Variants in GLI3 observed in about 807,000 individuals in gnomAD.
The protein encoded by GLI3 is GLI family zinc finger 3, also known as transcription activator GLI3.
Under a neutral mutation model 100.8 loss-of-function variants are expected in GLI3, and 20 were observed. That is an observed-to-expected ratio of 0.20 (90% CI 0.14 to 0.29). The LOEUF (loss-of-function observed/expected upper bound fraction) is 0.29, where lower values mean the gene tolerates loss of function less well. GLI3 is among the 10% of genes least tolerant of loss of function. The probability of loss-of-function intolerance (pLI) is 1.00; values close to 1 mark genes in which losing one functional copy is unlikely to be tolerated. For synonymous variants in GLI3, 938 were observed against 860.5 expected, an observed-to-expected ratio of 1.09 and a Z score of -1.58; for missense variants, 2,040 against 2,128.5, an observed-to-expected ratio of 0.96 and a Z score of 0.82.
chr7:42,007,518 G>T (rs147629056), intron 10 of GLI3, among the ~76,000 whole-genome samples: 7 of 152,204 alleles, frequency 4.6e-5, no homozygotes, highest in African/African-American at 1.7e-4. Flanking sequence ...GGAAAAAAAC[G>T]CCTTTCCTGG....
At chr7:42,232,937 G>A (rs1788722633) in intron 1 of GLI3, among the ~76,000 whole-genome samples, 1 of 152,166 alleles carries the variant, frequency 6.6e-6, no homozygotes, top group Non-Finnish European at 1.5e-5. Context: ...CAGAGGTAAT[G>A]AGTAGTGAAG....
chr7:42,025,549 C>G lies in GLI3; in HGVS notation c.1243-172G>C, dbSNP rs1789088651. Among the ~76,000 whole-genome samples the G allele has an allele frequency of 2.6e-5, 4 of 152,218 alleles. No individual in the cohort carries two copies. The South Asian group carries it at 8.3e-4, about 32-fold the overall frequency. ...CAGAGTTCAGATAGTATGTTCAAAGCTAGAAAATACGTTCATGCGGCAGCT... is the reference window on the plus strand; with the variant it reads ...CAGAGTTCAGATAGTATGTTCAAAGGTAGAAAATACGTTCATGCGGCAGCT... On this transcript the variant is annotated intron_variant, in intron 8 of 14. Transcript: ENST00000395925.
In GLI3 at chr7:42,112,668, C is replaced by G. The variant is rs961116976; in HGVS notation, c.367+35558G>C. On this transcript the variant is annotated intron_variant, in intron 3 of 14. Coordinates refer to ENST00000395925, the MANE Select transcript of GLI3 (RefSeq NM_000168.6). ...AAATATAATATACTTCTAATCCCAA[C>G]CAACATTCTTTCAACTAATAACTAT... Among the ~76,000 whole-genome samples the G allele has an allele frequency of 3.3e-5, 5 of 152,078 alleles. No individual in the cohort carries two copies. The East Asian group carries it at 5.8e-4, about 18-fold the overall frequency.
intron 3 of GLI3, among the ~76,000 whole-genome samples, chr7:42,123,989 A>G (rs1786064738): frequency 6.6e-6 from 1 of 152,222 alleles, no homozygotes; most frequent in Non-Finnish European, 1.5e-5. Flanking sequence ...AGTCACCTTC[A>G]GAGGCAAGGC....
rs780263938 is a variant in GLI3 at position 41,966,347 on chromosome 7, G to C, written c.2726C>G (p.Ala909Gly). ...GCTGGGCAGGCCGTCGCTCTGGCTG[G>C]CTTCGCTGGAGCGGCGCGAGGCGTC... is the stretch of plus-strand genomic sequence containing the variant. ...STDASRRSSE[A>G]SQSDGLPSLL... The change falls in exon 15 of 15, where the codon GCC (alanine) becomes GGC (glycine). Residue 909 changes from alanine (A) to glycine (G), a missense_variant. This residue lies in a region of GLI3 where 1,041 missense variants were observed against 924.0 expected (regional missense o/e 1.13). Transcript: ENST00000395925. The surrounding 1 kb of genome is among the most constrained non-coding windows in gnomAD (Gnocchi z 5.8). 1.2e-6 allele frequency: 2 copies of C among 1,608,026 alleles called. No individual in the cohort carries two copies. The highest frequency in any genetic ancestry group is 1.7e-6 in the Non-Finnish European group (2 of 1,179,240).
intron 4 of GLI3, among the ~76,000 whole-genome samples, chr7:42,055,776 T>C (rs1784447070): frequency 6.6e-6 from 1 of 152,232 alleles, no homozygotes. Flanking sequence ...GCATATGCTT[T>C]TTACAAATTT....
chr7:42,197,777 C>T (rs1007336721), intron 2 of GLI3, among the ~76,000 whole-genome samples: 3 of 152,196 alleles, frequency 2.0e-5, no homozygotes, highest in African/African-American at 7.2e-5. Flanking sequence ...GAGACTGAAA[C>T]AATGGTCTGG....
chr7:41,993,888 G>A lies in GLI3; in HGVS notation c.1498-15140C>T, dbSNP rs531458093. On this transcript the variant is annotated intron_variant, in intron 10 of 14. Coordinates refer to ENST00000395925, the MANE Select transcript of GLI3 (RefSeq NM_000168.6). The stretch of plus-strand genomic sequence containing the variant: ...CACAGATGCCTGTAGGGTCCACCAA[G>A]GAGGGCCTCCTTTCAGACTATAATT... Among the ~76,000 whole-genome samples, 9 of 152,262 alleles carry A rather than the reference G, an allele frequency of 5.9e-5. 1 individual carries two copies. The highest frequency in any genetic ancestry group is 2.1e-4 in the South Asian group (1 of 4,822).
chr7:42,169,327 A>G (rs1014065545), intron 2 of GLI3, among the ~76,000 whole-genome samples: 1 of 152,258 alleles, frequency 6.6e-6, no homozygotes, highest in African/African-American at 2.4e-5. Context: ...CTGTGCATGA[A>G]CAGCCAATTC....
intron 4 of GLI3, among the ~76,000 whole-genome samples, chr7:42,074,104 T>G (rs1414691351): frequency 1.3e-5 from 2 of 152,218 alleles, no homozygotes; most frequent in Non-Finnish European, 2.9e-5. Flanking sequence ...CCCAGTATTT[T>G]TCATGCCCCC....
chr7:42,244,570 G>A (rs1446279897), intron 1 of GLI3, among the ~76,000 whole-genome samples: 1 of 152,182 alleles, frequency 6.6e-6, no homozygotes, highest in African/African-American at 2.4e-5. Context: ...CATGAAAAAT[G>A]AAGTGGAGAA....
chr7:42,103,141 C>T (rs1374790052), intron 3 of GLI3, among the ~76,000 whole-genome samples: 1 of 152,140 alleles, frequency 6.6e-6, no homozygotes, highest in South Asian at 2.1e-4. Context: ...CCAGACTTGG[C>T]TCCTCCCCAT....
chr7:42,041,480 C>T (rs77920489), intron 6 of GLI3, among the ~76,000 whole-genome samples: 5 of 152,184 alleles, frequency 3.3e-5, no homozygotes, highest in East Asian at 1.9e-4. Context: ...GTTTAATGAA[C>T]GAATGAGAAC....
upstream of GLI3, among the ~76,000 whole-genome samples, chr7:42,241,301 T>C (rs1388288867): frequency 6.6e-6 from 1 of 152,100 alleles, no homozygotes; most frequent in African/African-American, 2.4e-5. Flanking sequence ...TCCCAGAAAA[T>C]AATGACCTTT....
chr7:42,079,383 T>C (rs1583538134), intron 3 of GLI3, among the ~76,000 whole-genome samples: 1 of 152,334 alleles, frequency 6.6e-6, no homozygotes, highest in East Asian at 1.9e-4. Context: ...TATACTAGTT[T>C]ATGTTTACTG....
At chr7:42,029,645 C>T (rs1010876139) in intron 7 of GLI3, among the ~76,000 whole-genome samples, 1 of 152,150 alleles carries the variant, frequency 6.6e-6, no homozygotes, top group African/African-American at 2.4e-5. Flanking sequence ...CCCTCTGCAT[C>T]TTCAGCACTC....
chr7:42,014,472 A>T (rs1403844857), intron 10 of GLI3, among the ~76,000 whole-genome samples: 1 of 152,250 alleles, frequency 6.6e-6, no homozygotes, highest in Admixed American at 6.5e-5. Context: ...AGCTATAATC[A>T]TAGATAAAAT....
At chr7:42,006,419 T>C (rs1346153184) in intron 10 of GLI3, among the ~76,000 whole-genome samples, 1 of 152,216 alleles carries the variant, frequency 6.6e-6, no homozygotes, top group African/African-American at 2.4e-5. Flanking sequence ...CAGAGAACTC[T>C]GAGGAGTCCA....
chr7:41,994,568 A>G (rs745524692), intron 10 of GLI3, among the ~76,000 whole-genome samples: 42 of 152,182 alleles, frequency 2.8e-4, no homozygotes, highest in Non-Finnish European at 5.7e-4. Context: ...CTGGGAAGAA[A>G]GCCTGCCTTG....
Sources: gnomAD v4.1 joint callset for allele counts (sites outside exome capture counted in the v4.1 genomes callset) on GRCh38, gnomAD v4.1.1 for gene constraint, gnomAD v4.1.1 regional missense constraint, Gnocchi (gnomAD v3.1) non-coding constraint, MANE v1.5 for transcripts, NCBI Gene and HGNC (gene_info 2026-07-23, HGNC 2026-07-21) for gene names.